Variants in HIPK2 observed in about 807,000 individuals in gnomAD.
HIPK2 encodes homeodomain interacting protein kinase 2.
A neutral mutation model predicts 113.7 loss-of-function variants in HIPK2; 27 were observed. The observed-to-expected ratio is 0.24, with a 90% CI of 0.17 to 0.33. HIPK2 has a LOEUF of 0.33. Among genes scored for constraint, HIPK2 ranks in the 10% least tolerant of loss-of-function variants. HIPK2 has a pLI of 1.00. For synonymous variants in HIPK2, 631 were observed against 642.2 expected (o/e 0.98, Z 0.26); for missense variants, 1,257 against 1,588.0 (o/e 0.79, Z 3.54).
At chr7:139,765,586 T>C (rs977521206) in intron 1 of HIPK2, among the ~76,000 whole-genome samples, 2 of 152,358 alleles carry the variant, frequency 1.3e-5, no homozygotes, top group East Asian at 1.9e-4. Context: ...ACACTGAATG[T>C]ATTTTGAACA....
At chr7:139,715,771 C>T (rs937983712) in intron 2 of HIPK2, 161 bp downstream of exon 2, 32 of 591,256 alleles carry the variant, frequency 5.4e-5, no homozygotes, top group African/African-American at 4.7e-4. Context: ...TAATTGACAT[C>T]GCAATGTGCA....
chr7:139,739,527 C>T (rs111606160), intron 1 of HIPK2, among the ~76,000 whole-genome samples: 1,664 of 150,858 alleles, frequency 0.011, 25 homozygotes, highest in African/African-American at 0.039. Flanking sequence ...GCGGAGGTTG[C>T]GGTGAGCCAA....
chr7:139,626,769 T>A lies in HIPK2; in HGVS notation c.1451A>T (p.Asp484Val), dbSNP rs1569457932. Residue 484 changes from aspartate (D) to valine (V), a missense_variant, in exon 6 of 15, where the codon GAT (aspartate) becomes GTT (valine). Asp to Val is a radical substitution (Grantham distance 152). Transcript: ENST00000406875. ...TACCAACATGTCGCTCCCTTCCAAA[T>A]CTGTCGTCATGTTCACCTGGACGCA... ...DDMAQVNMTT[D>V]LEGSDMLVEK... 6.2e-7 allele frequency: 1 copy of A among 1,613,984 alleles called. No individual in the cohort carries two copies. The highest frequency in any genetic ancestry group is 1.1e-5 in the South Asian group (1 of 91,086).
rs541985519 is a variant in HIPK2, at chr7:139,566,488, G to A, written c.*6439C>T. 2 of 152,280 alleles carry A rather than the reference G, an allele frequency of 1.3e-5. No individual in the cohort carries two copies. The highest frequency in any genetic ancestry group is 2.1e-4 in the South Asian group (1 of 4,826). The allele number at this position is 152,280 out of a possible 1,614,324, so 9.4% of individuals were successfully genotyped here. A position where few individuals can be genotyped will look rare whatever the true frequency, so the allele number is the denominator to read the frequency against. On this transcript the variant is annotated 3_prime_UTR_variant, in exon 15 of 15. Transcript: ENST00000406875. The surrounding 1 kb of genome is among the most constrained non-coding windows in gnomAD (Gnocchi z 4.1). ...ATGGTTCATAGAAATATGAGGCCAC[G>A]CATTGCTATTAATTAAAAAAAGTTA...
At chr7:139,762,801 T>A (rs1195297738) in intron 1 of HIPK2, among the ~76,000 whole-genome samples, 2 of 152,128 alleles carry the variant, frequency 1.3e-5, no homozygotes, top group East Asian at 1.9e-4. Flanking sequence ...CAACCACAGA[T>A]GGGTTTCTAT....
In HIPK2 at chr7:139,610,415, G is replaced by T. The variant is rs559593196; in HGVS notation, c.2112+2787C>A. On this transcript the variant is annotated intron_variant, in intron 9 of 14. Transcript: ENST00000406875. The stretch of plus-strand genomic sequence containing the variant: ...AGAAGCTTTTTTGCCCCTGGACTGA[G>T]CTGTAGTTCTTTCTCTGATCTATCT... 3.9e-5 allele frequency among the ~76,000 whole-genome samples: 6 copies of T among 152,316 alleles called. No individual in the cohort carries two copies. In the East Asian group the frequency reaches 1.2e-3, roughly 29 times the overall value.
At chr7:139,633,662 G>T (rs1171430327) in intron 2 of HIPK2, among the ~76,000 whole-genome samples, 1 of 147,012 alleles carries the variant, frequency 6.8e-6, no homozygotes, top group Non-Finnish European at 1.5e-5. Context: ...AAAAAAAAAG[G>T]GGTTAGGCGC....
Position 139,572,275 on chromosome 7 carries a change from G to C in HIPK2, c.*652C>G, listed in dbSNP as rs1437558542. On this transcript the variant is annotated 3_prime_UTR_variant, in exon 15 of 15. Transcript: ENST00000406875. ...CCGTCCCCCGTCTTTCCTGACTAGG[G>C]AGCCCGGACTGGGCTTCGCCAATCC... is the stretch of plus-strand genomic sequence containing the variant. The C allele has an allele frequency of 1.3e-5, 2 of 152,220 alleles. No individual in the cohort carries two copies. The highest frequency in any genetic ancestry group is 4.8e-5 in the African/African-American group (2 of 41,464). 9.4% of individuals were successfully genotyped at this position (152,220 alleles called of 1,614,324 possible).
intron 2 of HIPK2, among the ~76,000 whole-genome samples, chr7:139,703,844 C>A (rs1322272589): frequency 2.0e-5 from 2 of 98,778 alleles, no homozygotes; most frequent in Non-Finnish European, 2.0e-5. Flanking sequence ...TCCCCCACAC[C>A]CACACTATAC....
At chr7:139,702,159 A>T (rs1403475856) in intron 2 of HIPK2, among the ~76,000 whole-genome samples, 1 of 152,104 alleles carries the variant, frequency 6.6e-6, no homozygotes, top group African/African-American at 2.4e-5. Context: ...CAGCGGCGGG[A>T]GAGGCTGGGC....
chr7:139,614,413 C>A lies in HIPK2; in HGVS notation c.1863G>T (p.Gln621His). Reference protein sequence around the residue: ...SILNYPSTLYQPSAASMAAVA... With the variant: ...SILNYPSTLYHPSAASMAAVA... ...CTGCAGCCATGGATGCCGCTGAGGG[C>A]TGGTAGAGTGTAGATGGGTAGTTTA... The change falls in exon 8 of 15, where the codon CAG becomes CAT. Residue 621 changes from glutamine (Q) to histidine (H), a missense_variant. Physicochemically the swap from Gln to His is conservative, Grantham distance 24 (BLOSUM62 0). Transcript: ENST00000406875. 3 of 1,569,404 alleles carry A rather than the reference C, an allele frequency of 1.9e-6. No individual in the cohort carries two copies. The highest frequency in any genetic ancestry group is 2.6e-6 in the Non-Finnish European group (3 of 1,153,210).
intron 1 of HIPK2, among the ~76,000 whole-genome samples, chr7:139,757,879 G>A (rs1203206334): frequency 6.6e-6 from 1 of 152,170 alleles, no homozygotes; most frequent in Non-Finnish European, 1.5e-5. Flanking sequence ...AAAAATACAT[G>A]TGGAAATAAA....
intron 14 of HIPK2, 69 bp downstream of exon 14, chr7:139,575,059 C>A (rs1022134064): frequency 1.5e-5 from 22 of 1,499,718 alleles, no homozygotes; most frequent in Admixed American, 4.3e-5. Context: ...CCACAGCAAT[C>A]CTCTCTGAAG....
At chr7:139,638,293 T>C (rs1333895234) in intron 2 of HIPK2, among the ~76,000 whole-genome samples, 1 of 152,154 alleles carries the variant, frequency 6.6e-6, no homozygotes, top group South Asian at 2.1e-4. Flanking sequence ...GCCTTTTCTC[T>C]GCACTCATGA....
At chr7:139,651,489 T>C (rs1369158383) in intron 2 of HIPK2, among the ~76,000 whole-genome samples, 1 of 152,232 alleles carries the variant, frequency 6.6e-6, no homozygotes, top group Non-Finnish European at 1.5e-5. Context: ...CACAATGACC[T>C]GGGGCTGGAT....
At chr7:139,584,138 C>A in intron 12 of HIPK2, 74 bp from the exon 13 acceptor site, 1 of 1,525,996 alleles carries the variant, frequency 6.6e-7, no homozygotes. Context: ...ACTTCATGCC[C>A]TGGGGCAGGG....
At chr7:139,741,375 G>A (rs188842356) in intron 1 of HIPK2, among the ~76,000 whole-genome samples, 3 of 152,184 alleles carry the variant, frequency 2.0e-5, no homozygotes, top group Admixed American at 6.5e-5. Context: ...CCCATCCTTC[G>A]TATCGTCCTG....
chr7:139,748,699 C>T (rs1232901878), intron 1 of HIPK2, among the ~76,000 whole-genome samples: 1 of 151,916 alleles, frequency 6.6e-6, no homozygotes, highest in African/African-American at 2.4e-5. Context: ...CTTAACTAGC[C>T]ACATCTGCAA....
At chr7:139,685,924 C>A (rs994588374) in intron 2 of HIPK2, among the ~76,000 whole-genome samples, 5 of 152,194 alleles carry the variant, frequency 3.3e-5, no homozygotes, top group African/African-American at 7.2e-5. Flanking sequence ...GCCCATAGAT[C>A]AAGGGGTAAT....
Sources: gnomAD v4.1 joint callset for allele counts (sites outside exome capture counted in the v4.1 genomes callset) on GRCh38, gnomAD v4.1.1 for gene constraint, Gnocchi (gnomAD v3.1) non-coding constraint, MANE v1.5 for transcripts, NCBI Gene and HGNC (gene_info 2026-07-23, HGNC 2026-07-21) for gene names.